Variants in KDELR3 observed in about 807,000 individuals in gnomAD.
KDELR3 encodes KDEL endoplasmic reticulum protein retention receptor 3.
In KDELR3, 26 loss-of-function variants were observed where a neutral mutation model predicts 22.7. That is an observed-to-expected ratio of 1.15 (90% CI 0.84 to 1.59). The LOEUF is 1.59. Among genes scored for constraint, KDELR3 ranks in the 40% most tolerant of loss-of-function variants. The pLI, the probability that KDELR3 is intolerant of heterozygous loss-of-function variation, is 0.00. For missense variants in KDELR3, 289 were observed against 251.1 expected (o/e 1.15, Z -1.02); for synonymous variants, 120 against 98.2 (o/e 1.22, Z -1.31).
chr22:38,476,682 G>A (rs1038488360), intron 2 of KDELR3, among the ~76,000 whole-genome samples: 4 of 151,646 alleles, frequency 2.6e-5, no homozygotes, highest in Non-Finnish European at 5.9e-5. Context: ...CCACCACCAC[G>A]CCCGGCTACT....
intron 1 of KDELR3, among the ~76,000 whole-genome samples, chr22:38,474,118 T>C (rs1020171808): frequency 8.5e-5 from 13 of 152,208 alleles, no homozygotes; most frequent in African/African-American, 3.1e-4. Context: ...CAGTGAGTTG[T>C]TCCTCCTAAG....
Position 38,470,783 on chromosome 22 carries a change from C to T in KDELR3, c.91+2459C>T, listed in dbSNP as rs559486953. On this transcript the variant is annotated intron_variant, in intron 1 of 4. Transcript: ENST00000216014. Reference sequence around the variant, plus strand: ...CAGGCTCACATTGTCCTCTGTGTCCCGGGTCTCCATGTGCAGCTTCCTGGT... The same window carrying T: ...CAGGCTCACATTGTCCTCTGTGTCCTGGGTCTCCATGTGCAGCTTCCTGGT... Among the ~76,000 whole-genome samples, 13 of 152,206 alleles carry T rather than the reference C, an allele frequency of 8.5e-5. No individual in the cohort carries two copies. The East Asian group carries it at 2.1e-3, about 25-fold the overall frequency.
chr22:38,472,638 A>G (rs1234561731), intron 1 of KDELR3, among the ~76,000 whole-genome samples: 2 of 152,190 alleles, frequency 1.3e-5, no homozygotes, highest in African/African-American at 2.4e-5. Context: ...ACAGTGCTCT[A>G]CTGATGTTGA....
In KDELR3 at chr22:38,474,524, C is replaced by T. The variant is rs1274948015; in HGVS notation, c.93C>T (p.Gly31=). ...TCTCCTGTCTACCCTTGGCCACAGG[C>T]ATCTCTGGGAAGAGCCAGATCCTGT... is the stretch of plus-strand genomic sequence containing the variant. ...GKIWRSKCCK[G]ISGKSQILFA... is the part of the protein sequence containing the mutation. The change falls in exon 2 of 5, where the codon GGC becomes GGT. Residue 31 remains glycine, a splice_region_variant and synonymous_variant. Coordinates refer to ENST00000216014, the MANE Select transcript of KDELR3 (RefSeq NM_006855.4). The T allele has an allele frequency of 1.2e-6, 2 of 1,613,252 alleles. No individual in the cohort carries two copies. The highest frequency in any genetic ancestry group is 1.7e-6 in the Non-Finnish European group (2 of 1,179,556).
chr22:38,470,981 A>C (rs970070244), intron 1 of KDELR3, among the ~76,000 whole-genome samples: 2 of 152,104 alleles, frequency 1.3e-5, no homozygotes, highest in Non-Finnish European at 2.9e-5. Context: ...GTCTCCACTA[A>C]AAATACAAAA....
intron 4 of KDELR3, 124 bp from the exon 5 acceptor site, chr22:38,482,372 C>CT: frequency 1.3e-6 from 1 of 790,030 alleles, no homozygotes; most frequent in Non-Finnish European, 2.1e-6. Context: ...TCCCCCTTTG[C>CT]TTTAACAATC....
At chr22:38,482,398 G>A in intron 4 of KDELR3, 98 bp from the exon 5 acceptor site, 1 of 980,292 alleles carries the variant, frequency 1.0e-6, no homozygotes, top group Non-Finnish European at 1.6e-6. Context: ...TATACTGTGA[G>A]CCGGCCATTA....
intron 2 of KDELR3, among the ~76,000 whole-genome samples, chr22:38,475,872 G>T (rs1339272693): frequency 6.6e-6 from 1 of 152,126 alleles, no homozygotes; most frequent in Non-Finnish European, 1.5e-5. Flanking sequence ...GACCTCAAGT[G>T]GTCCACCCAC....
intron 1 of KDELR3, among the ~76,000 whole-genome samples, chr22:38,470,228 A>G (rs975132692): frequency 1.3e-5 from 2 of 150,550 alleles, no homozygotes; most frequent in African/African-American, 2.5e-5. Flanking sequence ...GGTTCAAGCT[A>G]TTCTCCTGCT....
Position 38,479,630 on chromosome 22 carries a change from T to C in KDELR3, c.230T>C (p.Met77Thr). 1.9e-6 allele frequency: 3 copies of C among 1,613,794 alleles called. No homozygotes were observed. The highest frequency in any genetic ancestry group is 1.1e-5 in the South Asian group (1 of 91,088). Reference protein sequence around the residue: ...FLLCAYVTVYMIYGKFRKTFD... With the variant: ...FLLCAYVTVYTIYGKFRKTFD... ...CTCTGTGCCTATGTTACAGTGTACA[T>C]GATATATGGGAAATTCCGTAAAACT... Residue 77 changes from methionine (M) to threonine (T), a missense_variant, in exon 3 of 5, where the codon ATG becomes ACG. By Grantham distance (81) the Met-to-Thr change is moderately conservative (BLOSUM62 -1). Coordinates refer to ENST00000216014, the MANE Select transcript of KDELR3 (RefSeq NM_006855.4).
chr22:38,479,697 G>C lies in KDELR3; in HGVS notation c.297G>C (p.Leu99=). Residue 99 remains leucine, a synonymous_variant, in exon 3 of 5, where the codon CTG becomes CTC. Coordinates refer to ENST00000216014, the MANE Select transcript of KDELR3 (RefSeq NM_006855.4). ...ENDTFRLEFL[L]VPVIGLSFLE... ...ACACATTCCGCCTGGAGTTTCTTCTGGTCCCAGTCATTGGCCTTTCCTTCC... is the reference window on the plus strand; with the variant it reads ...ACACATTCCGCCTGGAGTTTCTTCTCGTCCCAGTCATTGGCCTTTCCTTCC... The C allele has an allele frequency of 1.2e-6, 2 of 1,614,164 alleles. No homozygotes were observed. The highest frequency in any genetic ancestry group is 1.7e-6 in the Non-Finnish European group (2 of 1,180,016).
At chr22:38,482,104 A>C (rs2089607577) in intron 4 of KDELR3, among the ~76,000 whole-genome samples, 1 of 152,170 alleles carries the variant, frequency 6.6e-6, no homozygotes, top group Admixed American at 6.5e-5. Flanking sequence ...AAAAAACCCA[A>C]TCCACTAGCT....
intron 1 of KDELR3, among the ~76,000 whole-genome samples, chr22:38,471,091 C>T (rs989799605): frequency 5.9e-5 from 9 of 152,196 alleles, no homozygotes; most frequent in Admixed American, 3.9e-4. Context: ...TTGCAGTGAG[C>T]TGAGATTGCA....
rs1395559058 is a variant in KDELR3, at chr22:38,483,306, T to G, written c.*770T>G. Reference sequence around the variant, plus strand: ...TTTCAATTCCAATTCTTGTATTAAGTTTTTTCCTTTCAGTTTTAGGTGCGA... The same window carrying G: ...TTTCAATTCCAATTCTTGTATTAAGGTTTTTCCTTTCAGTTTTAGGTGCGA... On this transcript the variant is annotated 3_prime_UTR_variant, in exon 5 of 5. Coordinates refer to ENST00000216014, the MANE Select transcript of KDELR3 (RefSeq NM_006855.4). The G allele has an allele frequency of 6.6e-6, 1 of 152,146 alleles. No individual in the cohort carries two copies. Among genetic ancestry groups the G allele is most frequent in the African/African-American group, 2.4e-5 (1 of 41,422 alleles). 9.4% of individuals were successfully genotyped at this position (152,146 alleles called of 1,614,324 possible). A position where few individuals can be genotyped will look rare whatever the true frequency, so the allele number is the denominator to read the frequency against.
chr22:38,469,215 C>T (rs2089508431), intron 1 of KDELR3, among the ~76,000 whole-genome samples: 1 of 152,208 alleles, frequency 6.6e-6, no homozygotes, highest in Non-Finnish European at 1.5e-5. Context: ...GATGAAGAGG[C>T]ATGGAGGTCA....
In KDELR3 at chr22:38,482,554, C is replaced by G; in HGVS notation, c.*18C>G. ...CAATCTGAGGACCTTCAGAGACAGT[C>G]TACGCCTTAACAAGCACATGAAGGA... On this transcript the variant is annotated 3_prime_UTR_variant, in exon 5 of 5. Transcript: ENST00000216014. 1 of 1,603,002 alleles carries G rather than the reference C, an allele frequency of 6.2e-7. No individual in the cohort carries two copies. The highest frequency in any genetic ancestry group is 1.1e-5 in the South Asian group (1 of 90,806).
At chr22:38,476,106 A>G (rs1016617205) in intron 2 of KDELR3, among the ~76,000 whole-genome samples, 13 of 149,204 alleles carry the variant, frequency 8.7e-5, no homozygotes, top group African/African-American at 3.0e-4. Flanking sequence ...ATTTTTTTGT[A>G]TTTTTAATAG....
chr22:38,481,640 C>A (rs2089602484), intron 4 of KDELR3, 176 bp downstream of exon 4: 2 of 1,460,202 alleles, frequency 1.4e-6, no homozygotes, highest in Non-Finnish European at 1.8e-6. Flanking sequence ...TAAAAACATG[C>A]AGGCCAATAG....
Position 38,468,307 on chromosome 22 carries a change from G to A in KDELR3, c.74G>A (p.Arg25Lys), listed in dbSNP as rs1355633093. ...ATCTTGCTGCTGGGGAAGATCTGGA[G>A]GTCCAAGTGCTGCAAGGGTGAGGGG... ...AMILLLGKIW[R>K]SKCCKGISGK... The change falls in exon 1 of 5, where the codon AGG becomes AAG. Residue 25 changes from arginine (R) to lysine (K), a missense_variant. Transcript: ENST00000216014. 3.1e-6 allele frequency: 5 copies of A among 1,613,804 alleles called. No homozygotes were observed. Among genetic ancestry groups the A allele is most frequent in the African/African-American group, 1.3e-5 (1 of 75,044 alleles).
Sources: gnomAD v4.1 joint callset for allele counts (sites outside exome capture counted in the v4.1 genomes callset) on GRCh38, gnomAD v4.1.1 for gene constraint, MANE v1.5 for transcripts, NCBI Gene and HGNC (gene_info 2026-07-23, HGNC 2026-07-21) for gene names.